The following NELL1 variants were observed in gnomAD, a reference collection of about 807,000 sequenced individuals.
NELL1 encodes neural EGFL like 1.
A neutral mutation model predicts 107.4 loss-of-function variants in NELL1; 76 were observed. The observed-to-expected ratio is 0.71, with a 90% CI of 0.59 to 0.86. The LOEUF is 0.86. Ranked by LOEUF, NELL1 falls within the 40% of genes least tolerant of loss-of-function variation. The pLI, the probability that NELL1 is intolerant of heterozygous loss-of-function variation, is 0.00. For missense variants in NELL1, 1,024 were observed against 1,005.5 expected (o/e 1.02, Z -0.25); for synonymous variants, 353 against 341.2 (o/e 1.03, Z -0.38).
chr11:21,373,664 G>T (rs1014397122), intron 15 of NELL1, among the ~76,000 whole-genome samples: 1 of 151,974 alleles, frequency 6.6e-6, no homozygotes, highest in Non-Finnish European at 1.5e-5. Context: ...ACTTGTGTTT[G>T]GTATGTAACA....
chr11:21,301,498 A>G (rs919088006), intron 14 of NELL1, among the ~76,000 whole-genome samples: 10 of 152,198 alleles, frequency 6.6e-5, no homozygotes, highest in Non-Finnish European at 1.3e-4. Context: ...ATGACCAGTG[A>G]TGATGAGCAT....
At chr11:20,918,373 T>C (rs1285908947) in intron 6 of NELL1, 119 bp downstream of exon 6, 1 of 643,434 alleles carries the variant, frequency 1.6e-6, no homozygotes, top group Non-Finnish European at 2.8e-6. Flanking sequence ...GTGCTGGAGA[T>C]AGTGAAAGAG....
intron 2 of NELL1, among the ~76,000 whole-genome samples, chr11:20,727,511 G>A (rs1463597060): frequency 6.6e-6 from 1 of 152,146 alleles, no homozygotes. Context: ...TTTGTCAGAT[G>A]GGTAGATTGT....
At position 21,075,876 on chromosome 11, in the gene NELL1, T is replaced by G. The variant is rs142619883; in HGVS notation, c.1301-37713T>G. Reference sequence around the variant, plus strand: ...TGGGGTACAGAGTTCAGAAGAAGTATAGTTATTGAGCATGGTCAGGAGATA... The same window carrying G: ...TGGGGTACAGAGTTCAGAAGAAGTAGAGTTATTGAGCATGGTCAGGAGATA... On this transcript the variant is annotated intron_variant, in intron 12 of 19. Coordinates refer to ENST00000357134, the MANE Select transcript of NELL1 (RefSeq NM_006157.5). Among the ~76,000 whole-genome samples, 668 of 152,320 alleles carry G rather than the reference T, an allele frequency of 4.4e-3. 19 individuals are homozygous for G. Among genetic ancestry groups the G allele is most frequent in the Admixed American group, 0.039 (594 of 15,288 alleles).
At chr11:21,240,968 G>A (rs919561786) in intron 14 of NELL1, among the ~76,000 whole-genome samples, 3 of 151,962 alleles carry the variant, frequency 2.0e-5, no homozygotes, top group African/African-American at 2.4e-5. Context: ...TGATTCTTTT[G>A]AGTGCATTTC....
chr11:20,802,409 T>TG (rs34475765), intron 3 of NELL1, among the ~76,000 whole-genome samples: 1 of 76,362 alleles, frequency 1.3e-5, no homozygotes, highest in African/African-American at 6.9e-5. Context: ...AGAAATGCTG[T>TG]TTTTTTTTTT....
chr11:21,407,694 CT>C (rs560297119), intron 15 of NELL1, among the ~76,000 whole-genome samples: 2,923 of 137,086 alleles, frequency 0.021, 57 homozygotes, highest in African/African-American at 0.054. Context: ...TCCAAATTAC[CT>C]TTTTTTTTTT....
At chr11:20,906,512 A>C (rs983299200) in intron 5 of NELL1, among the ~76,000 whole-genome samples, 2 of 152,110 alleles carry the variant, frequency 1.3e-5, no homozygotes, top group African/African-American at 4.8e-5. Flanking sequence ...CAGAATTACT[A>C]TAATACCAAA....
chr11:21,240,176 C>T (rs1168097270), intron 14 of NELL1, among the ~76,000 whole-genome samples: 1 of 152,014 alleles, frequency 6.6e-6, no homozygotes, highest in African/African-American at 2.4e-5. Flanking sequence ...CTCACTATTC[C>T]ACCCCCAGAA....
chr11:21,394,070 G>T (rs765650590), intron 15 of NELL1, among the ~76,000 whole-genome samples: 5 of 151,594 alleles, frequency 3.3e-5, no homozygotes, highest in Non-Finnish European at 5.9e-5. Context: ...ATAGGCAAAA[G>T]GTCAATCACT....
intron 12 of NELL1, among the ~76,000 whole-genome samples, chr11:21,060,384 T>C (rs1355870986): frequency 6.6e-6 from 1 of 152,190 alleles, no homozygotes; most frequent in Non-Finnish European, 1.5e-5. Context: ...ACGTTAGCTG[T>C]TGTTGTTAAT....
At chr11:21,492,337 T>G (rs370763249) in intron 15 of NELL1, among the ~76,000 whole-genome samples, 1 of 151,590 alleles carries the variant, frequency 6.6e-6, no homozygotes, top group South Asian at 2.1e-4. Context: ...GTCAGTGTGG[T>G]GATTCCTCAG....
chr11:20,674,846 G>A (rs1854012941), intron 1 of NELL1, among the ~76,000 whole-genome samples: 1 of 152,188 alleles, frequency 6.6e-6, no homozygotes, highest in Admixed American at 6.5e-5. Flanking sequence ...CTTAGTCTGG[G>A]AGATTTGAGC....
chr11:21,142,794 A>G (rs929524996), intron 13 of NELL1, among the ~76,000 whole-genome samples: 6 of 152,178 alleles, frequency 3.9e-5, no homozygotes, highest in African/African-American at 1.4e-4. Flanking sequence ...AAAAGGACAC[A>G]ATGATCAAAG....
chr11:21,045,938 T>C (rs1853343326), intron 12 of NELL1, among the ~76,000 whole-genome samples: 1 of 152,214 alleles, frequency 6.6e-6, no homozygotes, highest in Non-Finnish European at 1.5e-5. Flanking sequence ...GTTAATGTTA[T>C]TTCTGGTTAT....
At chr11:20,921,661 G>A (rs1047993079) in intron 7 of NELL1, among the ~76,000 whole-genome samples, 5 of 152,144 alleles carry the variant, frequency 3.3e-5, no homozygotes, top group East Asian at 1.9e-4. Flanking sequence ...AGAAATGAAT[G>A]TTTGATCATT....
At chr11:21,286,579 C>G (rs757998577) in intron 14 of NELL1, among the ~76,000 whole-genome samples, 1 of 152,204 alleles carries the variant, frequency 6.6e-6, no homozygotes, top group Non-Finnish European at 1.5e-5. Context: ...GCACAATCAG[C>G]TTAACAAAAG....
At chr11:21,156,785 A>G (rs1215698466) in intron 13 of NELL1, among the ~76,000 whole-genome samples, 2 of 152,084 alleles carry the variant, frequency 1.3e-5, no homozygotes, top group East Asian at 1.9e-4. Flanking sequence ...AAATCATTAG[A>G]GCAGCTATTA....
At chr11:21,090,830 C>T (rs1854504271) in intron 12 of NELL1, among the ~76,000 whole-genome samples, 1 of 152,130 alleles carries the variant, frequency 6.6e-6, no homozygotes, top group African/African-American at 2.4e-5. Context: ...TTTTCTTAAT[C>T]AACTGTCCTA....
Sources: gnomAD v4.1 joint callset for allele counts (sites outside exome capture counted in the v4.1 genomes callset) on GRCh38, gnomAD v4.1.1 for gene constraint, MANE v1.5 for transcripts, NCBI Gene and HGNC (gene_info 2026-07-23, HGNC 2026-07-21) for gene names.